SLC39A10: variants seen among roughly 807,000 people sequenced by gnomAD.
SLC39A10 encodes the protein zinc transporter ZIP10.
In SLC39A10, 13 loss-of-function variants were observed where a neutral mutation model predicts 65.1. The observed-to-expected ratio is 0.20, with a 90% CI of 0.13 to 0.32. The LOEUF (loss-of-function observed/expected upper bound fraction) is 0.32. Ranked by LOEUF, SLC39A10 falls within the 10% of genes least tolerant of loss-of-function variation. The pLI, the probability that SLC39A10 is intolerant of heterozygous loss-of-function variation, is 1.00. For synonymous variants in SLC39A10, 321 were observed against 342.2 expected (o/e 0.94, Z 0.68); for missense variants, 831 against 1,018.4 (o/e 0.82, Z 2.50).
intron 2 of SLC39A10, among the ~76,000 whole-genome samples, chr2:195,633,990 C>T (rs976308075): frequency 6.6e-6 from 1 of 152,218 alleles, no homozygotes. Flanking sequence ...CCTCCTGTCC[C>T]TATCAACAGT....
intron 3 of SLC39A10, among the ~76,000 whole-genome samples, chr2:195,690,248 A>G (rs1348364958): frequency 3.3e-5 from 5 of 150,104 alleles, no homozygotes; most frequent in East Asian, 2.0e-4. Context: ...CATTACATGT[A>G]TATACCACAT....
chr2:195,682,928 T>C (rs980651438), intron 2 of SLC39A10, among the ~76,000 whole-genome samples: 4 of 152,002 alleles, frequency 2.6e-5, no homozygotes, highest in Non-Finnish European at 5.9e-5. Flanking sequence ...GATGGGTTTT[T>C]TTTGGTGCCA....
chr2:195,675,827 A>G (rs922104416), intron 1 of SLC39A10, among the ~76,000 whole-genome samples: 4 of 152,180 alleles, frequency 2.6e-5, no homozygotes, highest in Non-Finnish European at 5.9e-5. Context: ...ATTTGGCTGT[A>G]GTAAATGTCA....
At chr2:195,729,457 A>G (rs1692361894) in intron 9 of SLC39A10, among the ~76,000 whole-genome samples, 1 of 152,146 alleles carries the variant, frequency 6.6e-6, no homozygotes, top group African/African-American at 2.4e-5. Context: ...TTCTGATTTC[A>G]TGGGGAACAC....
chr2:195,663,649 T>C (rs1689504619), intron 1 of SLC39A10, among the ~76,000 whole-genome samples: 1 of 152,034 alleles, frequency 6.6e-6, no homozygotes. Context: ...ATGTTTGGAA[T>C]ATACTGTTTT....
chr2:195,657,404 G>T, intron 1 of SLC39A10, 123 bp downstream of exon 1: 1 of 985,718 alleles, frequency 1.0e-6, no homozygotes, highest in African/African-American at 1.7e-5. Flanking sequence ...GGGAGTCGGG[G>T]CTGGTTCCCT....
chr2:195,689,925 C>T (rs1353553540), intron 3 of SLC39A10, among the ~76,000 whole-genome samples: 1 of 151,936 alleles, frequency 6.6e-6, no homozygotes, highest in Non-Finnish European at 1.5e-5. Flanking sequence ...GCCTATAATC[C>T]CAGCACTTTG....
At chr2:195,662,517 A>G (rs1574236582) in intron 1 of SLC39A10, among the ~76,000 whole-genome samples, 1 of 151,966 alleles carries the variant, frequency 6.6e-6, no homozygotes, top group South Asian at 2.1e-4. Flanking sequence ...CAAGTGAGCT[A>G]CCTGCCTTGG....
intron 6 of SLC39A10, among the ~76,000 whole-genome samples, chr2:195,714,220 C>T (rs527826331): frequency 4.6e-5 from 7 of 152,166 alleles, no homozygotes; most frequent in Admixed American, 1.3e-4. Flanking sequence ...AGTGAGCCAC[C>T]GCGCCCGGCC....
At chr2:195,705,132 T>C (rs1335798103) in intron 3 of SLC39A10, among the ~76,000 whole-genome samples, 1 of 152,186 alleles carries the variant, frequency 6.6e-6, no homozygotes, top group African/African-American at 2.4e-5. Context: ...CTAACCAGGA[T>C]ATATTATTTT....
chr2:195,706,527 G>A (rs1185582834), intron 3 of SLC39A10, 89 bp from the exon 4 acceptor site: 3 of 1,262,670 alleles, frequency 2.4e-6, no homozygotes, highest in East Asian at 2.5e-5. Flanking sequence ...TACCTTCTAC[G>A]ATTCATTTAT....
At chr2:195,666,869 T>C (rs541204278) in intron 1 of SLC39A10, among the ~76,000 whole-genome samples, 1 of 152,358 alleles carries the variant, frequency 6.6e-6, no homozygotes, top group South Asian at 2.1e-4. Flanking sequence ...CAGATGTTTG[T>C]ATTCACAAAT....
intron 8 of SLC39A10, among the ~76,000 whole-genome samples, chr2:195,719,443 G>C (rs1691939489): frequency 6.6e-6 from 1 of 152,088 alleles, no homozygotes; most frequent in Non-Finnish European, 1.5e-5. Flanking sequence ...CTTCCCATCA[G>C]AGATAGTGCA....
chr2:195,736,965 AGCATT>A lies in SLC39A10; in HGVS notation c.*1925_*1929del, dbSNP rs1692640411. ...TACCCACGGTAGGATTCTGCATTCC[AGCATT>A]AAATCTGCTTCATTTTAGAACCTTT... On this transcript the variant is annotated 3_prime_UTR_variant, in exon 10 of 10. Transcript: ENST00000359634. 6.6e-6 allele frequency: 1 copy of A among 152,610 alleles called. No individual in the cohort carries two copies. The highest frequency in any genetic ancestry group is 1.5e-5 in the Non-Finnish European group (1 of 68,024). The allele number at this position is 152,610 out of a possible 1,614,324, so 9.5% of individuals were successfully genotyped here. A position where few individuals can be genotyped will look rare whatever the true frequency, so the allele number is the denominator to read the frequency against.
At chr2:195,639,554 T>C (rs927565833) in intron 2 of SLC39A10, among the ~76,000 whole-genome samples, 1 of 152,098 alleles carries the variant, frequency 6.6e-6, no homozygotes, top group Non-Finnish European at 1.5e-5. Flanking sequence ...ATTTAATGAG[T>C]GGGAAGTTAT....
intron 2 of SLC39A10, among the ~76,000 whole-genome samples, chr2:195,626,799 G>T (rs754446965): frequency 6.6e-6 from 1 of 152,004 alleles, no homozygotes; most frequent in Non-Finnish European, 1.5e-5. Context: ...ATTATCAATG[G>T]GTAGTAATTT....
At chr2:195,622,378 ATAAAT>A (rs1379337305) in intron 2 of SLC39A10, among the ~76,000 whole-genome samples, 2 of 152,176 alleles carry the variant, frequency 1.3e-5, no homozygotes, top group Non-Finnish European at 2.9e-5. Context: ...AAAAAAATAA[ATAAAT>A]AAAAGAGAGA....
chr2:195,625,758 G>C (rs539403936), intron 2 of SLC39A10, among the ~76,000 whole-genome samples: 2 of 152,292 alleles, frequency 1.3e-5, no homozygotes, highest in Non-Finnish European at 2.9e-5. Context: ...GCGGACACCA[G>C]CAAAGCAGTG....
At chr2:195,731,629 A>G (rs1692435278) in intron 9 of SLC39A10, among the ~76,000 whole-genome samples, 2 of 152,214 alleles carry the variant, frequency 1.3e-5, no homozygotes, top group African/African-American at 4.8e-5. Context: ...GAAAGGATTT[A>G]TAGTTTAATG....
Sources: allele counts gnomAD v4.1 joint callset (sites outside exome capture counted in the v4.1 genomes callset), GRCh38; gene constraint gnomAD v4.1.1; transcripts MANE v1.5; gene names NCBI Gene and HGNC (gene_info 2026-07-23, HGNC 2026-07-21).